Variants in DOCK3 observed in about 807,000 individuals in gnomAD.
DOCK3 encodes the protein dedicator of cytokinesis 3.
DOCK3 carries 60 observed loss-of-function variants against 265.6 expected under a neutral mutation model. The observed-to-expected ratio is 0.23, with a 90% CI of 0.18 to 0.28. The LOEUF is 0.28. DOCK3 is among the 10% of genes least tolerant of loss of function. The pLI is 1.00. For synonymous variants in DOCK3, 881 were observed against 938.0 expected (o/e 0.94, Z 1.11); for missense variants, 1,981 against 2,594.3 (o/e 0.76, Z 5.14).
At chr3:51,179,448 G>A (rs1218702315) in intron 12 of DOCK3, among the ~76,000 whole-genome samples, 1 of 151,996 alleles carries the variant, frequency 6.6e-6, no homozygotes, top group Non-Finnish European at 1.5e-5. Context: ...TAACAATTTC[G>A]AGTAAACTAA....
At chr3:50,891,456 A>G (rs2048637085) in intron 4 of DOCK3, among the ~76,000 whole-genome samples, 1 of 152,110 alleles carries the variant, frequency 6.6e-6, no homozygotes. Flanking sequence ...AAGAAAAACA[A>G]CTTATACATC....
intron 1 of DOCK3, among the ~76,000 whole-genome samples, chr3:50,684,038 C>T (rs1304609570): frequency 6.6e-6 from 1 of 152,026 alleles, no homozygotes; most frequent in Non-Finnish European, 1.5e-5. Context: ...ATGTTCTTAC[C>T]TTTATTGCTT....
At chr3:51,216,055 A>G (rs2089768595) in intron 14 of DOCK3, among the ~76,000 whole-genome samples, 1 of 152,104 alleles carries the variant, frequency 6.6e-6, no homozygotes. Flanking sequence ...TCTTTTAAAA[A>G]TTAGGTATCT....
At chr3:50,951,704 T>C (rs1369691079) in intron 5 of DOCK3, among the ~76,000 whole-genome samples, 1 of 152,202 alleles carries the variant, frequency 6.6e-6, no homozygotes, top group Non-Finnish European at 1.5e-5. Flanking sequence ...AGTTTTAATT[T>C]TAGCAATGGT....
At chr3:51,352,573 A>G (rs1373607146) in intron 40 of DOCK3, among the ~76,000 whole-genome samples, 1 of 152,258 alleles carries the variant, frequency 6.6e-6, no homozygotes, top group East Asian at 1.9e-4. Context: ...AAGAGGTGTT[A>G]GGAAATATCA....
intron 1 of DOCK3, among the ~76,000 whole-genome samples, chr3:50,737,451 A>G (rs1011023092): frequency 6.6e-6 from 1 of 152,184 alleles, no homozygotes; most frequent in Non-Finnish European, 1.5e-5. Flanking sequence ...CTCATGATTC[A>G]ATCACCTCCC....
At chr3:51,186,978 CCA>C (rs1204252841) in intron 12 of DOCK3, among the ~76,000 whole-genome samples, 1 of 152,206 alleles carries the variant, frequency 6.6e-6, no homozygotes, top group Middle Eastern at 3.2e-3. Context: ...TTCAGAGCCC[CCA>C]CACAGAGTCC....
intron 2 of DOCK3, among the ~76,000 whole-genome samples, chr3:50,791,451 C>A (rs1161204204): frequency 1.3e-5 from 2 of 151,618 alleles, no homozygotes; most frequent in African/African-American, 4.8e-5. Context: ...TTTAGTTTCA[C>A]CATGTTGAAA....
chr3:51,290,491 C>T (rs974689489), intron 27 of DOCK3, among the ~76,000 whole-genome samples: 28 of 151,944 alleles, frequency 1.8e-4, no homozygotes. Flanking sequence ...ACAATGAGAA[C>T]ACCTGGACAC....
intron 1 of DOCK3, among the ~76,000 whole-genome samples, chr3:50,760,384 T>C (rs2040449662): frequency 6.6e-6 from 1 of 152,196 alleles, no homozygotes; most frequent in Non-Finnish European, 1.5e-5. Context: ...ATGGTTTGTC[T>C]TATGGTTTTT....
chr3:51,060,903 A>T (rs1317446189), intron 5 of DOCK3, among the ~76,000 whole-genome samples: 1 of 152,246 alleles, frequency 6.6e-6, no homozygotes, highest in African/African-American at 2.4e-5. Flanking sequence ...TGGGCAAAGG[A>T]TATGAACAGA....
At chr3:51,111,515 C>G (rs1335150788) in intron 9 of DOCK3, among the ~76,000 whole-genome samples, 3 of 152,030 alleles carry the variant, frequency 2.0e-5, no homozygotes. Flanking sequence ...TGCTGGGATA[C>G]CTGCTTAACC....
chr3:51,153,379 G>A (rs956743780), intron 10 of DOCK3, among the ~76,000 whole-genome samples: 10 of 151,262 alleles, frequency 6.6e-5, no homozygotes, highest in Non-Finnish European at 1.2e-4. Context: ...GTATTTGGGC[G>A]AGAGTGTCCC....
At chr3:50,998,784 A>C (rs1392732763) in intron 5 of DOCK3, among the ~76,000 whole-genome samples, 1 of 152,214 alleles carries the variant, frequency 6.6e-6, no homozygotes, top group Admixed American at 6.5e-5. Flanking sequence ...ACAAAACAAA[A>C]GTTTAAAAAT....
At chr3:51,141,201 T>G (rs1403914748) in intron 9 of DOCK3, among the ~76,000 whole-genome samples, 19 of 151,770 alleles carry the variant, frequency 1.3e-4, no homozygotes. Context: ...TCTTTTTTTT[T>G]TTTTTAATAA....
At chr3:50,935,599 C>T (rs1227476914) in intron 5 of DOCK3, among the ~76,000 whole-genome samples, 1 of 152,212 alleles carries the variant, frequency 6.6e-6, no homozygotes, top group Non-Finnish European at 1.5e-5. Flanking sequence ...CTGACTTCCA[C>T]CCTCCCTTCC....
chr3:51,276,131 G>A (rs1177687522), intron 25 of DOCK3, among the ~76,000 whole-genome samples: 1 of 152,200 alleles, frequency 6.6e-6, no homozygotes, highest in African/African-American at 2.4e-5. Flanking sequence ...CTTAAAAAAA[G>A]AGTATATTTT....
At chr3:51,140,520 T>G (rs373393821) in intron 9 of DOCK3, among the ~76,000 whole-genome samples, 1 of 152,358 alleles carries the variant, frequency 6.6e-6, no homozygotes, top group East Asian at 1.9e-4. Context: ...ATATTTTGGT[T>G]GTTTTCACCT....
At chr3:51,264,118 C>G (rs2080021833) in intron 23 of DOCK3, among the ~76,000 whole-genome samples, 1 of 152,234 alleles carries the variant, frequency 6.6e-6, no homozygotes, top group South Asian at 2.1e-4. Context: ...ACATTCTTCT[C>G]AGCACCACAT....
Sources: gnomAD v4.1 joint callset for allele counts (sites outside exome capture counted in the v4.1 genomes callset) on GRCh38, gnomAD v4.1.1 for gene constraint, MANE v1.5 for transcripts, NCBI Gene and HGNC (gene_info 2026-07-23, HGNC 2026-07-21) for gene names.